The following TUBA1C variants were observed in gnomAD, a reference collection of about 807,000 sequenced individuals.
TUBA1C encodes the protein tubulin alpha-1C chain.
In TUBA1C, 16 loss-of-function variants were observed where a neutral mutation model predicts 34.9. The ratio of observed to expected loss-of-function variants is 0.46; its 90% CI spans 0.31 to 0.70. TUBA1C has a LOEUF of 0.70. Among genes scored for constraint, TUBA1C ranks in the 30% least tolerant of loss-of-function variants. The pLI is 0.05. For missense variants in TUBA1C, 329 were observed against 587.3 expected, an observed-to-expected ratio of 0.56 and a Z score of 4.55; for synonymous variants, 177 against 215.9, an observed-to-expected ratio of 0.82 and a Z score of 1.58.
In TUBA1C at chr12:49,249,284, G is replaced by A. The variant is rs554928089; in HGVS notation, c.214-20181G>A. Among the ~76,000 whole-genome samples, 12 of 152,116 alleles carry A rather than the reference G, an allele frequency of 7.9e-5. No individual in the cohort carries two copies. The East Asian group carries it at 2.1e-3, about 27-fold the overall frequency. On this transcript the variant is annotated intron_variant, in intron 1 of 3. Coordinates refer to the TUBA1C transcript ENST00000541364. ...CTCCACTAAAAATACAAAATTAGCCGGGTGTGGTGGCGCATGCCTGTAATC... is the reference window on the plus strand; with the variant it reads ...CTCCACTAAAAATACAAAATTAGCCAGGTGTGGTGGCGCATGCCTGTAATC...
chr12:49,265,240 C>A, intron 1 of TUBA1C, 56 bp downstream of exon 1: 1 of 1,498,492 alleles, frequency 6.7e-7, no homozygotes, highest in Non-Finnish European at 9.2e-7. Context: ...GGACGGCGGG[C>A]CCGGAAACTA....
At chr12:49,256,570 C>A (rs1175728436) in intron 1 of TUBA1C, 1 of 303,512 alleles carries the variant, frequency 3.3e-6, no homozygotes, top group Non-Finnish European at 6.9e-6. Flanking sequence ...ATGAGGAAAT[C>A]TTTATCTATC....
chr12:49,248,761 G>C (rs190516448), intron 1 of TUBA1C, among the ~76,000 whole-genome samples: 2,497 of 148,340 alleles, frequency 0.017, 72 homozygotes, highest in African/African-American at 0.058. Flanking sequence ...CCAGCTACTC[G>C]GGAGGCTGAG....
intron 1 of TUBA1C, among the ~76,000 whole-genome samples, chr12:49,239,407 G>A (rs1201194631): frequency 1.3e-5 from 2 of 152,084 alleles, no homozygotes; most frequent in East Asian, 1.9e-4. Context: ...TTGGGAGGCC[G>A]AAGCGGGCGG....
At chr12:49,228,357 T>C (rs989147058) in intron 1 of TUBA1C, among the ~76,000 whole-genome samples, 2 of 152,226 alleles carry the variant, frequency 1.3e-5, no homozygotes, top group Admixed American at 6.5e-5. Context: ...TATTGGAATA[T>C]TGAAATTTCA....
At chr12:49,263,542 T>C (rs1942862104), upstream of TUBA1C, among the ~76,000 whole-genome samples, 1 of 151,888 alleles carries the variant, frequency 6.6e-6, no homozygotes, top group African/African-American at 2.4e-5. Context: ...AGTTGAAGTA[T>C]ATCTTGAACT....
At chr12:49,241,625 C>A (rs754856637) in intron 1 of TUBA1C, among the ~76,000 whole-genome samples, 2 of 150,484 alleles carry the variant, frequency 1.3e-5, no homozygotes, top group Non-Finnish European at 1.5e-5. Context: ...TCCCTCCCTC[C>A]CTGCCTTCCT....
rs1323682050 is a variant in TUBA1C at position 49,272,651 on chromosome 12, C to T, written c.774C>T (p.Asn258=). ...LNVDLTEFQT[N]LVPYPRIHFP... ...TTGACCTGACAGAATTCCAGACCAACCTGGTGCCCTACCCCCGCATCCACT... is the reference window on the plus strand; with the variant it reads ...TTGACCTGACAGAATTCCAGACCAATCTGGTGCCCTACCCCCGCATCCACT... Residue 258 remains asparagine, a synonymous_variant, in exon 4 of 4, where the codon AAC becomes AAT. Transcript: ENST00000301072. The T allele has an allele frequency of 1.9e-6, 3 of 1,610,328 alleles. No homozygotes were observed. The highest frequency in any genetic ancestry group is 2.5e-6 in the Non-Finnish European group (3 of 1,178,878).
At position 49,243,221 on chromosome 12, in the gene TUBA1C, G is replaced by A. The variant is rs540649941; in HGVS notation, c.213+15055G>A. Among the ~76,000 whole-genome samples the A allele has an allele frequency of 7.0e-4, 106 of 152,214 alleles. 1 individual carries two copies. Among genetic ancestry groups the A allele is most frequent in the African/African-American group, 2.4e-3 (98 of 41,546 alleles). On this transcript the variant is annotated intron_variant, in intron 1 of 3. Transcript: ENST00000541364. Reference sequence around the variant, plus strand: ...AGCACTTTGGGAGGACAAGGTGGGCGGATCACCTGAGGTCAGGAGTTCAAG... The same window carrying A: ...AGCACTTTGGGAGGACAAGGTGGGCAGATCACCTGAGGTCAGGAGTTCAAG...
intron 1 of TUBA1C, among the ~76,000 whole-genome samples, chr12:49,247,428 G>A (rs764869792): frequency 6.3e-4 from 94 of 149,434 alleles, no homozygotes; most frequent in Non-Finnish European, 1.0e-3. Context: ...ATGGTGGCAT[G>A]CACCTGTAAT....
chr12:49,242,912 C>T (rs1166999392), intron 1 of TUBA1C, among the ~76,000 whole-genome samples: 1 of 151,994 alleles, frequency 6.6e-6, no homozygotes, highest in Admixed American at 6.6e-5. Flanking sequence ...CAAGCTGATC[C>T]TCCCACCTTA....
In TUBA1C at chr12:49,272,630, C is replaced by T. The variant is rs140286355; in HGVS notation, c.753C>T (p.Asp251=). The T allele has an allele frequency of 3.1e-3, 4,909 of 1,609,216 alleles. 18 individuals carry two copies. Among genetic ancestry groups the T allele is most frequent in the Non-Finnish European group, 3.1e-3 (3,686 of 1,178,474 alleles). The change falls in exon 4 of 4, where the codon GAC becomes GAT. Residue 251 remains aspartate, a synonymous_variant. Transcript: ENST00000301072. ...SLRFDGALNV[D]LTEFQTNLVP... ...GATTTGATGGAGCCCTGAATGTTGA[C>T]CTGACAGAATTCCAGACCAACCTGG...
At chr12:49,257,457 G>A (rs1226927424) in intron 1 of TUBA1C, among the ~76,000 whole-genome samples, 1 of 152,060 alleles carries the variant, frequency 6.6e-6, no homozygotes, top group Non-Finnish European at 1.5e-5. Flanking sequence ...GAGGAATGGG[G>A]GCAGGAAGAG....
chr12:49,234,815 TA>T (rs966241386), intron 1 of TUBA1C, among the ~76,000 whole-genome samples: 19 of 152,246 alleles, frequency 1.2e-4, no homozygotes, highest in South Asian at 6.2e-4. Flanking sequence ...GTGGACATCC[TA>T]AAAAAAATTT....
upstream of TUBA1C, chr12:49,265,063 C>A (rs1299382658): frequency 1.3e-5 from 17 of 1,357,054 alleles, no homozygotes; most frequent in South Asian, 1.7e-4. Flanking sequence ...TAAGGCCCTT[C>A]GGGGCCGGCC....
chr12:49,230,051 G>A (rs1361806610), intron 1 of TUBA1C, among the ~76,000 whole-genome samples: 1 of 151,220 alleles, frequency 6.6e-6, no homozygotes, highest in African/African-American at 2.4e-5. Context: ...CTCCCAAAGT[G>A]CCGGGATTAC....
intron 1 of TUBA1C, among the ~76,000 whole-genome samples, chr12:49,257,204 C>A (rs183813905): frequency 1.3e-5 from 2 of 151,278 alleles, no homozygotes; most frequent in East Asian, 3.9e-4. Context: ...TTAAAGCCAA[C>A]CTCCTGAGGG....
intron 1 of TUBA1C, among the ~76,000 whole-genome samples, chr12:49,230,532 C>A (rs1264623261): frequency 6.6e-6 from 1 of 152,214 alleles, no homozygotes; most frequent in African/African-American, 2.4e-5. Context: ...ACAATAACAT[C>A]CTCCACAGGG....
intron 1 of TUBA1C, among the ~76,000 whole-genome samples, chr12:49,242,004 T>C (rs1162240384): frequency 6.7e-6 from 1 of 150,282 alleles, no homozygotes; most frequent in African/African-American, 2.5e-5. Flanking sequence ...TTTTTTTTTT[T>C]TTGAGACAGA....
Sources: allele counts gnomAD v4.1 joint callset (sites outside exome capture counted in the v4.1 genomes callset), GRCh38; gene constraint gnomAD v4.1.1; transcripts MANE v1.5; gene names NCBI Gene and HGNC (gene_info 2026-07-23, HGNC 2026-07-21).